DOCK6: variants seen among roughly 807,000 people sequenced by gnomAD.
The protein encoded by DOCK6 is dedicator of cytokinesis protein 6.
A neutral mutation model predicts 230.3 loss-of-function variants in DOCK6; 167 were observed. That is an observed-to-expected ratio of 0.73 (90% CI 0.64 to 0.82). DOCK6 has a LOEUF of 0.82. Among genes scored for constraint, DOCK6 ranks in the 40% least tolerant of loss-of-function variants. The probability of loss-of-function intolerance (pLI) is 0.00; values close to 1 mark genes in which losing one functional copy is unlikely to be tolerated. For synonymous variants in DOCK6, 1,148 were observed against 1,185.0 expected (o/e 0.97, Z 0.64); for missense variants, 2,598 against 2,825.8 (o/e 0.92, Z 1.83).
At chr19:11,238,010 G>A in intron 16 of DOCK6, 35 bp downstream of exon 16, 1 of 1,610,794 alleles carries the variant, frequency 6.2e-7, no homozygotes, top group East Asian at 2.2e-5. Context: ...ACCCCCATGA[G>A]TGCCCCCAAG....
At chr19:11,240,231 C>T (rs763670499) in intron 14 of DOCK6, 16 of 1,576,450 alleles carry the variant, frequency 1.0e-5, no homozygotes, top group South Asian at 3.5e-5. Context: ...CAGCGTGCAG[C>T]GGCTAGAAGT....
intron 39 of DOCK6, among the ~76,000 whole-genome samples, chr19:11,208,030 G>A (rs1273021057): frequency 6.6e-6 from 1 of 152,084 alleles, no homozygotes; most frequent in Non-Finnish European, 1.5e-5. Flanking sequence ...GCTGAGGTGG[G>A]AGGATTACTT....
intron 34 of DOCK6, among the ~76,000 whole-genome samples, chr19:11,213,839 C>T (rs915835600): frequency 6.6e-6 from 1 of 150,794 alleles, no homozygotes; most frequent in Non-Finnish European, 1.5e-5. Flanking sequence ...CTGTGTTGCC[C>T]AGGCTGGAGT....
rs570584076 is a variant in DOCK6 at position 11,218,097 on chromosome 19, G to A, written c.3551-706C>T. 1.1e-4 allele frequency among the ~76,000 whole-genome samples: 17 copies of A among 152,098 alleles called. No homozygotes were observed. The East Asian group carries it at 1.2e-3, about 10-fold the overall frequency. On this transcript the variant is annotated intron_variant, in intron 28 of 47. Coordinates refer to ENST00000294618, the MANE Select transcript of DOCK6 (RefSeq NM_020812.4). ...AAACTCCTGACCTTGTGATCTGCCC[G>A]TCTCAGCCTTCCAAAGTGCTGGGAC... is the stretch of plus-strand genomic sequence containing the variant.
At position 11,236,684 on chromosome 19, in the gene DOCK6, G is replaced by A. The variant is rs775723249; in HGVS notation, c.2161-107C>T. 6.0e-6 allele frequency: 9 copies of A among 1,509,542 alleles called. No homozygotes were observed. The highest frequency in any genetic ancestry group is 2.4e-5 in the South Asian group (2 of 82,742). 93.5% of individuals were successfully genotyped at this position (1,509,542 alleles called of 1,614,324 possible). A position where few individuals can be genotyped will look rare whatever the true frequency, so the allele number is the denominator to read the frequency against. ...GCTGGGTCCAGCTGACCAAAGTCAC[G>A]TCCAAGGCCTGAGGCCAGACCTCCC... On this transcript the variant is annotated intron_variant, in intron 19 of 47. Coordinates refer to ENST00000294618, the MANE Select transcript of DOCK6 (RefSeq NM_020812.4). The surrounding 1 kb of genome is among the most constrained non-coding windows in gnomAD (Gnocchi z 5.2).
chr19:11,236,591 T>C lies in DOCK6; in HGVS notation c.2161-14A>G, dbSNP rs182209153. ...CAGGTAGGGGTCCTGGGTAGGGATG[T>C]GGAGTGAGCAGGGTGGGGCCTCAGG... On this transcript the variant is annotated splice_polypyrimidine_tract_variant and intron_variant, in intron 19 of 47. Transcript: ENST00000294618. The surrounding 1 kb of genome is among the most constrained non-coding windows in gnomAD (Gnocchi z 5.2). 3 of 1,566,404 alleles carry C rather than the reference T, an allele frequency of 1.9e-6. No homozygotes were observed. The East Asian group carries it at 7.1e-5, about 37-fold the overall frequency.
At chr19:11,213,086 T>TC (rs1270928690) in intron 35 of DOCK6, 90 bp downstream of exon 35, 1 of 1,492,162 alleles carries the variant, frequency 6.7e-7, no homozygotes, top group East Asian at 2.3e-5. Flanking sequence ...AATGACTGTC[T>TC]CCCCCTCCCT....
At chr19:11,229,514 G>T (rs902524133) in intron 22 of DOCK6, 43 of 329,950 alleles carry the variant, frequency 1.3e-4, no homozygotes, top group Non-Finnish European at 1.6e-4. Context: ...TGTGAATATA[G>T]AGAGAGAAAT....
intron 37 of DOCK6, among the ~76,000 whole-genome samples, chr19:11,210,810 T>C (rs947894736): frequency 2.0e-5 from 3 of 150,924 alleles, no homozygotes; most frequent in African/African-American, 4.9e-5. Context: ...CCTCCTCACC[T>C]GTTCATCTTC....
At chr19:11,261,842 T>TCC (rs55855253) in intron 1 of DOCK6, among the ~76,000 whole-genome samples, 1,412 of 138,190 alleles carry the variant, frequency 0.01, 19 homozygotes, top group African/African-American at 0.033. Context: ...CTGTCCCCCT[T>TCC]CCCCCCCCCC....
In DOCK6 at chr19:11,202,615, G is replaced by A. The variant is rs566664486; in HGVS notation, c.5330C>T (p.Thr1777Met). 3.7e-6 allele frequency: 6 copies of A among 1,614,010 alleles called. No homozygotes were observed. The highest frequency in any genetic ancestry group is 1.3e-5 in the African/African-American group (1 of 75,044). Residue 1777 changes from threonine (T) to methionine (M), a missense_variant, in exon 42 of 48, where the codon ACG (threonine) becomes ATG (methionine). By Grantham distance (81) the Thr-to-Met change is moderately conservative (BLOSUM62 -1). Transcript: ENST00000294618. The surrounding 1 kb of genome is among the most constrained non-coding windows in gnomAD (Gnocchi z 5.3). ...QEFVYKEPSI[T>M]KLAEISHRLE... ...CCGGTGTGAGATCTCTGCCAGCTTC[G>A]TGATCGATGGCTCCTTGTACACAAA...
intron 1 of DOCK6, among the ~76,000 whole-genome samples, chr19:11,261,450 AG>A (rs2080286864): frequency 6.6e-6 from 1 of 151,814 alleles, no homozygotes; most frequent in African/African-American, 2.4e-5. Context: ...ATATCCCAAG[AG>A]GGGGATCTTT....
Position 11,222,144 on chromosome 19 carries a change from C to A in DOCK6, c.3345G>T (p.Thr1115=). ...QQHFLAGLLL[T]ELALALEPEA... is the part of the protein sequence containing the mutation. ...CAGGTTCGAGGGCCAGTGCCAGCTC[C>A]GTCAGCAGGAGCCCAGCTAGGAAGT... The change falls in exon 27 of 48, where the codon ACG becomes ACT. Residue 1115 remains threonine (T), a synonymous_variant. Transcript: ENST00000294618. This position sits in a 1 kb window ranked among gnomAD's most constrained non-coding sequence, Gnocchi z 4.0. The A allele has an allele frequency of 1.2e-6, 2 of 1,612,696 alleles. No homozygotes were observed. The highest frequency in any genetic ancestry group is 1.7e-6 in the Non-Finnish European group (2 of 1,179,452).
chr19:11,260,667 G>C (rs1451632460), intron 1 of DOCK6, among the ~76,000 whole-genome samples: 4 of 151,318 alleles, frequency 2.6e-5, no homozygotes, highest in Non-Finnish European at 1.5e-5. Context: ...CGGATCACCT[G>C]AGGTCAGGAG....
Position 11,200,170 on chromosome 19 carries a change from ACCGGAAAC to A in DOCK6, c.6101+130_6101+137del. 4.3e-6 allele frequency: 4 copies of A among 934,594 alleles called. No individual in the cohort carries two copies. The highest frequency in any genetic ancestry group is 2.0e-5 in the South Asian group (1 of 48,934). The allele number at this position is 934,594 out of a possible 1,614,324, so 57.9% of individuals were successfully genotyped here. A position where few individuals can be genotyped will look rare whatever the true frequency, so the allele number is the denominator to read the frequency against. The stretch of plus-strand genomic sequence containing the variant: ...TCTCAAAAAAAAAAACAAAAAAAAA[ACCGGAAAC>A]AAAACAAAGTCCAAGCTACCAGCAA... On this transcript the variant is annotated intron_variant, in intron 47 of 47. Coordinates refer to ENST00000294618, the MANE Select transcript of DOCK6 (RefSeq NM_020812.4). This position sits in a 1 kb window ranked among gnomAD's most constrained non-coding sequence, Gnocchi z 4.3.
chr19:11,255,831 C>T (rs911254899), intron 1 of DOCK6, among the ~76,000 whole-genome samples: 1 of 151,988 alleles, frequency 6.6e-6, no homozygotes, highest in African/African-American at 2.4e-5. Flanking sequence ...CTGTTGCCCA[C>T]GCTGGAGTGC....
chr19:11,227,859 G>A (rs1405810188), intron 23 of DOCK6, among the ~76,000 whole-genome samples: 2 of 152,160 alleles, frequency 1.3e-5, no homozygotes, highest in East Asian at 1.9e-4. Flanking sequence ...GTCAGAGGTG[G>A]GACAAAGGGT....
At chr19:11,262,282 G>T in intron 1 of DOCK6, 115 bp downstream of exon 1, 2 of 692,896 alleles carry the variant, frequency 2.9e-6, no homozygotes, top group Non-Finnish European at 3.8e-6. Context: ...GGCGGGACCC[G>T]GGCCGAGGCG....
chr19:11,253,910 A>G, intron 1 of DOCK6, 184 bp from the exon 2 acceptor site: 1 of 514,006 alleles, frequency 1.9e-6, no homozygotes, highest in South Asian at 2.9e-5. Flanking sequence ...TTCCCCATCA[A>G]GCACAGATCA....
Sources: gnomAD v4.1 joint callset for allele counts (sites outside exome capture counted in the v4.1 genomes callset) on GRCh38, gnomAD v4.1.1 for gene constraint, Gnocchi (gnomAD v3.1) non-coding constraint, MANE v1.5 for transcripts, NCBI Gene and HGNC (gene_info 2026-07-23, HGNC 2026-07-21) for gene names.